The following TEX11 variants were observed in gnomAD, a reference collection of about 807,000 sequenced individuals.
TEX11 encodes testis expressed 11.
In TEX11, 7 loss-of-function variants were observed where a neutral mutation model predicts 84.4. The observed-to-expected ratio is 0.08, with a 90% CI of 0.05 to 0.16. The LOEUF is 0.16. TEX11 is among the 10% of genes least tolerant of loss of function. The probability of loss-of-function intolerance (pLI) is 1.00; values close to 1 mark genes in which losing one functional copy is unlikely to be tolerated. For missense variants in TEX11, 551 were observed against 660.5 expected, an observed-to-expected ratio of 0.83 and a Z score of 1.82; for synonymous variants, 264 against 222.8, an observed-to-expected ratio of 1.18 and a Z score of -1.64.
chrX:70,523,016 A>G, the TEX11 span, among the ~76,000 whole-genome samples: 3 of 111,211 alleles, frequency 2.7e-5, no homozygotes, highest in East Asian at 8.5e-4. Context: ...CTTAGTTTGC[A>G]TCAAAAAACA....
At chrX:70,730,716 A>G (rs1454631338) in intron 11 of TEX11, among the ~76,000 whole-genome samples, 1 of 111,428 alleles carries the variant, frequency 9.0e-6, no homozygotes, top group Non-Finnish European at 1.9e-5. Flanking sequence ...AGACTTTAAC[A>G]CCCCACTGTC....
At chrX:70,551,405 C>T (rs1338409246) in intron 28 of TEX11, among the ~76,000 whole-genome samples, 1 of 111,161 alleles carries the variant, frequency 9.0e-6, no homozygotes, top group African/African-American at 3.3e-5. Flanking sequence ...TTGCTTGTAA[C>T]ACAAAGGATA....
chrX:70,765,855 C>A (rs1469859141), intron 9 of TEX11, among the ~76,000 whole-genome samples: 1 of 111,955 alleles, frequency 8.9e-6, no homozygotes, highest in Non-Finnish European at 1.9e-5. Context: ...TCTTTGCTTG[C>A]AGAAGATATA....
chrX:70,901,002 G>C (rs2091800452), intron 2 of TEX11, among the ~76,000 whole-genome samples: 2 of 111,496 alleles, frequency 1.8e-5, no homozygotes, highest in South Asian at 7.5e-4. Flanking sequence ...GATCGCTTGA[G>C]CTCAGGAGCT....
At chrX:70,776,026 T>C (rs1351158216) in intron 9 of TEX11, among the ~76,000 whole-genome samples, 1 of 97,293 alleles carries the variant, frequency 1.0e-5, no homozygotes, top group Non-Finnish European at 2.1e-5. Flanking sequence ...ACAAGCACTA[T>C]GGAGAAGAGC....
chrX:70,846,434 A>C (rs1044827866), intron 7 of TEX11: 1 of 112,437 alleles, frequency 8.9e-6, no homozygotes, highest in Non-Finnish European at 1.9e-5. Context: ...CACCAGAGCA[A>C]ATGCTAAAAC....
At chrX:70,710,428 T>G (rs1292370567) in intron 13 of TEX11, among the ~76,000 whole-genome samples, 1 of 111,666 alleles carries the variant, frequency 9.0e-6, no homozygotes, top group Admixed American at 9.6e-5. Flanking sequence ...CTGGATCAAA[T>G]AAATTTACAT....
chrX:70,577,674 A>T (rs1357455716), intron 25 of TEX11, among the ~76,000 whole-genome samples: 3 of 111,370 alleles, frequency 2.7e-5, no homozygotes, highest in Non-Finnish European at 5.7e-5. Context: ...TCATCAGTTA[A>T]TGAATTAAAT....
At chrX:70,902,216 A>G (rs2091807312) in intron 2 of TEX11, among the ~76,000 whole-genome samples, 1 of 112,076 alleles carries the variant, frequency 8.9e-6, no homozygotes, top group African/African-American at 3.2e-5. Flanking sequence ...ACACCACTGC[A>G]CACCAGCCTG....
intron 16 of TEX11, among the ~76,000 whole-genome samples, chrX:70,668,854 A>C (rs2089999012): frequency 9.0e-6 from 1 of 111,678 alleles, no homozygotes; most frequent in Non-Finnish European, 1.9e-5. Flanking sequence ...AAACAGCCTC[A>C]TATCCTGGCC....
chrX:70,900,411 A>AAGAAGG (rs2091797015), intron 2 of TEX11, among the ~76,000 whole-genome samples: 3 of 105,181 alleles, frequency 2.9e-5, no homozygotes, highest in Admixed American at 1.0e-4. Context: ...GAAGAAGAAG[A>AAGAAGG]AAATTGAAAA....
chrX:70,656,343 A>C (rs1419766347), intron 16 of TEX11, among the ~76,000 whole-genome samples: 1 of 110,309 alleles, frequency 9.1e-6, no homozygotes, highest in African/African-American at 3.3e-5. Context: ...TAGGAGGATT[A>C]CTTGAGCCCA....
chrX:70,882,659 T>C lies in TEX11; in HGVS notation c.38-2550A>G, dbSNP rs1262928566. Among the ~76,000 whole-genome samples the C allele has an allele frequency of 3.6e-5, 4 of 110,318 alleles. No homozygotes were observed. In the Admixed American group the frequency reaches 3.9e-4, roughly 11 times the overall value. On this transcript the variant is annotated intron_variant, in intron 2 of 29. Coordinates refer to ENST00000374333, the MANE Select transcript of TEX11 (RefSeq NM_031276.3). ...ATCTGGGTGTGGTGGCTCACACCTG[T>C]AGTTCCAGCTACTCGGTGGCTGAGG...
At chrX:70,862,859 G>A (rs1448538924) in intron 4 of TEX11, among the ~76,000 whole-genome samples, 1 of 107,139 alleles carries the variant, frequency 9.3e-6, no homozygotes, top group Non-Finnish European at 1.9e-5. Context: ...AAGTTGCAGT[G>A]AGTTGAGATC....
At chrX:70,786,676 A>G (rs1199978913) in intron 9 of TEX11, among the ~76,000 whole-genome samples, 1 of 111,696 alleles carries the variant, frequency 9.0e-6, no homozygotes, top group African/African-American at 3.3e-5. Context: ...TCAACAAAAT[A>G]CTAGCAACTG....
intron 8 of TEX11, among the ~76,000 whole-genome samples, chrX:70,827,604 A>C (rs916141562): frequency 9.0e-6 from 1 of 110,797 alleles, no homozygotes; most frequent in Non-Finnish European, 1.9e-5. Context: ...CTAGCAGAAC[A>C]CCCCATGGAC....
intron 28 of TEX11, among the ~76,000 whole-genome samples, chrX:70,539,175 C>T (rs1317679580): frequency 2.8e-5 from 3 of 105,651 alleles, no homozygotes; most frequent in African/African-American, 6.9e-5. Context: ...GCTGGGATTA[C>T]AGGCGCCTAC....
intron 25 of TEX11, among the ~76,000 whole-genome samples, chrX:70,571,568 CG>C (rs762351949): frequency 4.7e-4 from 52 of 111,753 alleles, no homozygotes; most frequent in Non-Finnish European, 7.5e-4. Flanking sequence ...TCTATTCCAT[CG>C]TTTTCATTTT....
chrX:70,600,215 A>C (rs1258738486), intron 24 of TEX11, among the ~76,000 whole-genome samples: 1 of 111,714 alleles, frequency 9.0e-6, no homozygotes, highest in Non-Finnish European at 1.9e-5. Flanking sequence ...TGCCATTCTA[A>C]CTGGTGTGAG....
Sources: gnomAD v4.1 joint callset for allele counts (sites outside exome capture counted in the v4.1 genomes callset) on GRCh38, gnomAD v4.1.1 for gene constraint, MANE v1.5 for transcripts, NCBI Gene and HGNC (gene_info 2026-07-23, HGNC 2026-07-21) for gene names.